The following XKR9 variants were observed in gnomAD, a reference collection of about 807,000 sequenced individuals.
The protein encoded by XKR9 is XK-related protein 9.
Under a neutral mutation model 32.0 loss-of-function variants are expected in XKR9, and 32 were observed. That is an observed-to-expected ratio of 1.00 (90% CI 0.76 to 1.34). The LOEUF (loss-of-function observed/expected upper bound fraction) is 1.34, where lower values mean the gene tolerates loss of function less well. Ranked by LOEUF, XKR9 falls within the 40% of genes most tolerant of loss-of-function variation. The pLI, the probability that XKR9 is intolerant of heterozygous loss-of-function variation, is 0.00. For synonymous variants in XKR9, 168 were observed against 143.4 expected (o/e 1.17, Z -1.22); for missense variants, 546 against 429.7 (o/e 1.27, Z -2.39).
chr8:70,870,497 G>A, the XKR9 span, among the ~76,000 whole-genome samples: 1 of 152,124 alleles, frequency 6.6e-6, no homozygotes, highest in East Asian at 1.9e-4. Flanking sequence ...TTTGCTTCTT[G>A]TTGTTGTGGT....
chr8:70,931,926 C>T, the XKR9 span, among the ~76,000 whole-genome samples: 4 of 152,146 alleles, frequency 2.6e-5, no homozygotes, highest in East Asian at 5.8e-4. Context: ...CACTGAGGAT[C>T]ACATTTCAAC....
At chr8:71,008,754 G>A in the XKR9 span, among the ~76,000 whole-genome samples, 860 of 152,194 alleles carry the variant, frequency 5.7e-3, 13 homozygotes, top group African/African-American at 0.02. Context: ...AGCCTCCTGA[G>A]TACCTGGCAC....
the XKR9 span, among the ~76,000 whole-genome samples, chr8:70,958,457 T>C: frequency 3.3e-5 from 5 of 152,236 alleles, no homozygotes; most frequent in African/African-American, 1.2e-4. Flanking sequence ...TGATCAGTGA[T>C]GTTGATCTTT....
chr8:70,878,734 T>C, the XKR9 span, among the ~76,000 whole-genome samples: 2 of 152,058 alleles, frequency 1.3e-5, no homozygotes, highest in African/African-American at 4.8e-5. Flanking sequence ...CTGTCAACAT[T>C]AGACAGATCA....
intron 2 of XKR9, among the ~76,000 whole-genome samples, chr8:70,768,942 T>C (rs992716068): frequency 3.9e-5 from 6 of 152,164 alleles, no homozygotes; most frequent in South Asian, 2.1e-4. Flanking sequence ...AAGGTTAATA[T>C]TGTTATGTGT....
the XKR9 span, among the ~76,000 whole-genome samples, chr8:70,848,943 C>T: frequency 1.3e-5 from 2 of 152,100 alleles, no homozygotes; most frequent in Admixed American, 1.3e-4. Context: ...CATCCAGATG[C>T]ATAAAGCAAG....
the XKR9 span, among the ~76,000 whole-genome samples, chr8:70,920,183 A>G: frequency 6.6e-6 from 1 of 152,306 alleles, no homozygotes; most frequent in African/African-American, 2.4e-5. Flanking sequence ...TTTAATAATA[A>G]TGCAGCTTTG....
the XKR9 span, among the ~76,000 whole-genome samples, chr8:70,895,941 G>A: frequency 4.6e-5 from 7 of 152,070 alleles, no homozygotes; most frequent in Non-Finnish European, 8.8e-5. Context: ...CCAGGAAGTC[G>A]AGGCTGCGGT....
intron 3 of XKR9, among the ~76,000 whole-genome samples, chr8:70,696,088 T>C (rs950948965): frequency 1.5e-3 from 221 of 151,904 alleles, no homozygotes; most frequent in African/African-American, 4.7e-3. Flanking sequence ...ATTAGCCCTT[T>C]GTCAGATGAG....
chr8:70,980,143 C>A, the XKR9 span, among the ~76,000 whole-genome samples: 1 of 152,324 alleles, frequency 6.6e-6, no homozygotes, highest in East Asian at 1.9e-4. Context: ...TGGAAGTGTC[C>A]TGATTTTCCT....
chr8:70,994,331 A>C, the XKR9 span, among the ~76,000 whole-genome samples: 1 of 152,062 alleles, frequency 6.6e-6, no homozygotes, highest in Non-Finnish European at 1.5e-5. Flanking sequence ...TGCCTGAGAA[A>C]GCTTTTTTTT....
the XKR9 span, among the ~76,000 whole-genome samples, chr8:70,809,610 G>A: frequency 6.6e-5 from 10 of 152,200 alleles, no homozygotes; most frequent in African/African-American, 4.8e-5. Context: ...GGACCTGATG[G>A]AGCTGAAAAC....
At chr8:70,995,687 AT>A in the XKR9 span, among the ~76,000 whole-genome samples, 5 of 151,664 alleles carry the variant, frequency 3.3e-5, no homozygotes, top group Admixed American at 1.3e-4. Context: ...GACAATTAAA[AT>A]TTTTTTTTCT....
At chr8:70,791,670 C>T (rs893238585), downstream of XKR9, among the ~76,000 whole-genome samples, 1 of 152,000 alleles carries the variant, frequency 6.6e-6, no homozygotes, top group Non-Finnish European at 1.5e-5. Context: ...AGCAAGAAAG[C>T]ACTCACCAGA....
chr8:70,957,330 T>G, the XKR9 span, among the ~76,000 whole-genome samples: 4 of 152,218 alleles, frequency 2.6e-5, no homozygotes, highest in African/African-American at 9.6e-5. Context: ...ACTTATCACC[T>G]ACTAGAAAGA....
chr8:70,814,114 T>TA, the XKR9 span, among the ~76,000 whole-genome samples: 1 of 152,084 alleles, frequency 6.6e-6, no homozygotes, highest in Non-Finnish European at 1.5e-5. Flanking sequence ...TATGCAGCCA[T>TA]AAAAAATGAA....
the XKR9 span, among the ~76,000 whole-genome samples, chr8:70,826,757 C>A: frequency 6.6e-6 from 1 of 152,032 alleles, no homozygotes; most frequent in African/African-American, 2.4e-5. Flanking sequence ...CTGTTTAATA[C>A]GTTGATATAG....
chr8:70,994,801 C>G, the XKR9 span, among the ~76,000 whole-genome samples: 6 of 73,650 alleles, frequency 8.1e-5, no homozygotes, highest in Admixed American at 8.5e-4. Context: ...TTCTGTTTTT[C>G]TCTTTGCATT....
At chr8:70,865,492 T>A in the XKR9 span, among the ~76,000 whole-genome samples, 1 of 152,168 alleles carries the variant, frequency 6.6e-6, no homozygotes, top group East Asian at 1.9e-4. Context: ...AAAAATAAAA[T>A]AATTTTGCAA....
Sources: gnomAD v4.1 joint callset for allele counts (sites outside exome capture counted in the v4.1 genomes callset) on GRCh38, gnomAD v4.1.1 for gene constraint, MANE v1.5 for transcripts, NCBI Gene and HGNC (gene_info 2026-07-23, HGNC 2026-07-21) for gene names.